The following ST8SIA4 variants were observed in gnomAD, a reference collection of about 807,000 sequenced individuals.
ST8SIA4 encodes ST8 alpha-N-acetyl-neuraminide alpha-2,8-sialyltransferase 4, also known as CMP-N-acetylneuraminate-poly-alpha-2,8-sialyltransferase.
ST8SIA4 carries 15 observed loss-of-function variants against 33.9 expected under a neutral mutation model. That is an observed-to-expected ratio of 0.44 (90% CI 0.30 to 0.68). The LOEUF is 0.68. Ranked by LOEUF, ST8SIA4 falls within the 30% of genes least tolerant of loss-of-function variation. The pLI is 0.10. For synonymous variants in ST8SIA4, 171 were observed against 151.2 expected, an observed-to-expected ratio of 1.13 and a Z score of -0.96; for missense variants, 321 against 428.0, an observed-to-expected ratio of 0.75 and a Z score of 2.21.
intron 4 of ST8SIA4, among the ~76,000 whole-genome samples, chr5:100,848,614 T>C (rs1751618663): frequency 6.7e-6 from 1 of 150,144 alleles, no homozygotes; most frequent in Non-Finnish European, 1.5e-5. Context: ...ATCGCGAGTA[T>C]AGACTATATA....
intron 4 of ST8SIA4, among the ~76,000 whole-genome samples, chr5:100,812,466 C>A (rs112913527): frequency 0.019 from 2,814 of 151,948 alleles, 90 homozygotes; most frequent in African/African-American, 0.066. Flanking sequence ...GGATTAAATA[C>A]AACTGCAGAA....
intron 3 of ST8SIA4, among the ~76,000 whole-genome samples, chr5:100,877,271 A>C (rs1182018359): frequency 6.6e-6 from 1 of 152,202 alleles, no homozygotes; most frequent in Non-Finnish European, 1.5e-5. Context: ...GATTCTAAAA[A>C]TTATTACTGA....
At chr5:100,860,926 A>G (rs1213701387) in intron 3 of ST8SIA4, among the ~76,000 whole-genome samples, 1 of 152,166 alleles carries the variant, frequency 6.6e-6, no homozygotes, top group Admixed American at 6.5e-5. Context: ...TTGAGCAGTT[A>G]TTAAACAAAA....
At chr5:100,889,913 T>G (rs73777437) in intron 2 of ST8SIA4, among the ~76,000 whole-genome samples, 38 of 151,946 alleles carry the variant, frequency 2.5e-4, no homozygotes, top group Middle Eastern at 3.4e-3. Flanking sequence ...CATAGACTAA[T>G]CAAAATATAA....
intron 4 of ST8SIA4, among the ~76,000 whole-genome samples, chr5:100,844,900 CTCTT>C (rs1427380908): frequency 6.6e-6 from 1 of 152,034 alleles, no homozygotes; most frequent in Non-Finnish European, 1.5e-5. Context: ...ACAGAAATGA[CTCTT>C]TCTTTGATCT....
intron 4 of ST8SIA4, among the ~76,000 whole-genome samples, chr5:100,845,735 C>T (rs565628283): frequency 1.3e-5 from 2 of 151,778 alleles, no homozygotes; most frequent in East Asian, 3.9e-4. Flanking sequence ...AATTTATTTC[C>T]CCAGCTAAAA....
At position 100,808,172 on chromosome 5, in the gene ST8SIA4, G is replaced by T. The variant is rs367597340; in HGVS notation, c.*3675C>A. 2 of 152,412 alleles carry T rather than the reference G, an allele frequency of 1.3e-5. No individual in the cohort carries two copies. Among genetic ancestry groups the T allele is most frequent in the Non-Finnish European group, 2.9e-5 (2 of 67,974 alleles). 9.4% of individuals were successfully genotyped at this position (152,412 alleles called of 1,614,324 possible). On this transcript the variant is annotated 3_prime_UTR_variant, in exon 5 of 5. Coordinates refer to ENST00000231461, the MANE Select transcript of ST8SIA4 (RefSeq NM_005668.6). ...GGCTCAATTAGAAATAAATTAATTT[G>T]TTCATCCTTTTTCTGTATAGTAGCT... is the stretch of plus-strand genomic sequence containing the variant.
In ST8SIA4 at chr5:100,813,167, CT is replaced by C. The variant is rs1750848255; in HGVS notation, c.798-1039del. Among the ~76,000 whole-genome samples the C allele has an allele frequency of 2.0e-5, 3 of 151,950 alleles. No homozygotes were observed. The South Asian group carries it at 6.2e-4, about 31-fold the overall frequency. ...CATATTATTTTCTTTTTCTCTAAAA[CT>C]TTTATAAAACTTTCCAGGGGAGATA... On this transcript the variant is annotated intron_variant, in intron 4 of 4. Coordinates refer to ENST00000231461, the MANE Select transcript of ST8SIA4 (RefSeq NM_005668.6).
intron 3 of ST8SIA4, among the ~76,000 whole-genome samples, chr5:100,875,652 T>C (rs1399964511): frequency 2.0e-5 from 3 of 152,206 alleles, no homozygotes; most frequent in East Asian, 1.9e-4. Flanking sequence ...ATTTCTGTAA[T>C]TGGGCACTGT....
At chr5:100,869,540 T>A (rs948822843) in intron 3 of ST8SIA4, among the ~76,000 whole-genome samples, 8 of 152,166 alleles carry the variant, frequency 5.3e-5, no homozygotes, top group African/African-American at 1.9e-4. Context: ...GTGCCTTCTC[T>A]TTCATATATT....
In ST8SIA4 at chr5:100,806,983, A is replaced by G. The variant is rs1335969644; in HGVS notation, c.*4864T>C. ...CTCAACCGCAAACAGAATGTGCTAC[A>G]CAAAATATCGTTAAGGATTTCCTAA... On this transcript the variant is annotated 3_prime_UTR_variant, in exon 5 of 5. Coordinates refer to ENST00000231461, the MANE Select transcript of ST8SIA4 (RefSeq NM_005668.6). 6.6e-6 allele frequency: 1 copy of G among 152,120 alleles called. No homozygotes were observed. Among genetic ancestry groups the G allele is most frequent in the Non-Finnish European group, 1.5e-5 (1 of 67,952 alleles). 9.4% of individuals were successfully genotyped at this position (152,120 alleles called of 1,614,324 possible). A position where few individuals can be genotyped will look rare whatever the true frequency, so the allele number is the denominator to read the frequency against.
In ST8SIA4 at chr5:100,809,581, G is replaced by C. The variant is rs747011902; in HGVS notation, c.*2266C>G. On this transcript the variant is annotated 3_prime_UTR_variant, in exon 5 of 5. Transcript: ENST00000231461. ...GATTTTACCTTTAAGATATTTGCTT[G>C]TGACTTCTAGATTTCTGTTGGATTT... The C allele has an allele frequency of 6.6e-6, 1 of 151,924 alleles. No homozygotes were observed. Among genetic ancestry groups the C allele is most frequent in the Non-Finnish European group, 1.5e-5 (1 of 67,998 alleles). 9.4% of individuals were successfully genotyped at this position (151,924 alleles called of 1,614,324 possible).
Position 100,856,241 on chromosome 5 carries a change from T to G in ST8SIA4, c.659A>C (p.Asp220Ala). 6.2e-7 allele frequency: 1 copy of G among 1,614,148 alleles called. No individual in the cohort carries two copies. Among genetic ancestry groups the G allele is most frequent in the Non-Finnish European group, 8.5e-7 (1 of 1,179,994 alleles). ...KFVHRLSMLN[D>A]SVLWIPAFMV... ...GAAAGCAGGAATCCAAAGGACACTG[T>G]CATTCAGCATGGAAAGTCTATGCAC... Residue 220 changes from aspartate to alanine, a missense_variant, in exon 4 of 5, where the codon GAC becomes GCC. Physicochemically the swap from Asp to Ala is moderately radical, Grantham distance 126 (BLOSUM62 -2). Transcript: ENST00000231461.
intron 1 of ST8SIA4, chr5:100,900,361 G>A: frequency 4.4e-6 from 2 of 454,912 alleles, no homozygotes; most frequent in South Asian, 1.5e-5. Flanking sequence ...CTCCATTCCA[G>A]TTTACTCAAA....
chr5:100,863,129 T>A (rs1751983729), intron 3 of ST8SIA4, among the ~76,000 whole-genome samples: 1 of 152,146 alleles, frequency 6.6e-6, no homozygotes, highest in East Asian at 1.9e-4. Context: ...GGGTGGATAA[T>A]CCCAGCATGC....
chr5:100,831,078 A>G (rs1203665347), intron 4 of ST8SIA4, among the ~76,000 whole-genome samples: 1 of 152,244 alleles, frequency 6.6e-6, no homozygotes, highest in East Asian at 1.9e-4. Context: ...ATTAATTGAA[A>G]TTGAAATAGC....
intron 4 of ST8SIA4, among the ~76,000 whole-genome samples, chr5:100,825,690 T>C (rs879732046): frequency 6.6e-6 from 1 of 152,212 alleles, no homozygotes; most frequent in Non-Finnish European, 1.5e-5. Context: ...GTCTGGCCAC[T>C]GGCTATTGTA....
At chr5:100,884,310 T>C (rs1005520119) in intron 3 of ST8SIA4, among the ~76,000 whole-genome samples, 1 of 152,204 alleles carries the variant, frequency 6.6e-6, no homozygotes, top group African/African-American at 2.4e-5. Context: ...GTGGTCTAAA[T>C]GCCCAGTAGT....
chr5:100,885,804 CAT>C (rs1487835838), intron 3 of ST8SIA4: 1 of 890,994 alleles, frequency 1.1e-6, no homozygotes, highest in Admixed American at 6.2e-5. Context: ...GTTAAAAAAA[CAT>C]AAAATTCAAA....
Sources: gnomAD v4.1 joint callset for allele counts (sites outside exome capture counted in the v4.1 genomes callset) on GRCh38, gnomAD v4.1.1 for gene constraint, MANE v1.5 for transcripts, NCBI Gene and HGNC (gene_info 2026-07-23, HGNC 2026-07-21) for gene names.